Variants in RBFOX1 observed in about 807,000 individuals in gnomAD.
RBFOX1 encodes RNA binding protein fox-1 homolog 1.
A neutral mutation model predicts 57.7 loss-of-function variants in RBFOX1; 8 were observed. The ratio of observed to expected loss-of-function variants is 0.14; its 90% CI spans 0.08 to 0.25. The LOEUF is 0.25. Ranked by LOEUF, RBFOX1 falls within the 10% of genes least tolerant of loss-of-function variation. RBFOX1 has a pLI of 1.00. For synonymous variants in RBFOX1, 326 were observed against 222.4 expected (o/e 1.47, Z -4.15); for missense variants, 611 against 548.5 (o/e 1.11, Z -1.14).
rs1295301294 is a variant in RBFOX1, at chr16:5,356,987, A to G, written c.220-110229A>G. Among the ~76,000 whole-genome samples, 3 of 152,222 alleles carry G rather than the reference A, an allele frequency of 2.0e-5. No homozygotes were observed. The East Asian group carries it at 5.8e-4, about 29-fold the overall frequency. On this transcript the variant is annotated intron_variant, in intron 1 of 2. Transcript: ENST00000585867. The stretch of plus-strand genomic sequence containing the variant: ...GGTACCCAGTGAAGTAGGTACTATT[A>G]CTTATTTCCATCCAGTAGATAAGGA...
intron 4 of RBFOX1, among the ~76,000 whole-genome samples, chr16:7,202,454 G>A (rs911095040): frequency 6.6e-6 from 1 of 152,164 alleles, no homozygotes. Context: ...ACTGCCAGAT[G>A]ATCCAACAAT....
At chr16:7,706,637 A>G (rs1316268278) in intron 14 of RBFOX1, among the ~76,000 whole-genome samples, 2 of 152,234 alleles carry the variant, frequency 1.3e-5, no homozygotes, top group Non-Finnish European at 1.5e-5. Context: ...ACACCTTGCC[A>G]TAACATCACT....
intron 4 of RBFOX1, among the ~76,000 whole-genome samples, chr16:5,906,997 A>G (rs930464841): frequency 3.9e-5 from 6 of 151,974 alleles, no homozygotes; most frequent in African/African-American, 1.2e-4. Flanking sequence ...TCGGCCTCCC[A>G]AAGTGCTGGG....
intron 2 of RBFOX1, among the ~76,000 whole-genome samples, chr16:5,480,252 C>G (rs1258314720): frequency 6.6e-6 from 1 of 152,250 alleles, no homozygotes; most frequent in African/African-American, 2.4e-5. Context: ...GACCAGGGGT[C>G]AAAGCCATTG....
In RBFOX1 at chr16:6,579,318, C is replaced by T. The variant is rs114217513; in HGVS notation, c.-63-75285C>T. On this transcript the variant is annotated intron_variant, in intron 2 of 15. Coordinates refer to ENST00000550418, the MANE Select transcript of RBFOX1 (RefSeq NM_018723.4). ...TACTGGGCTCAAGCAGTCCTCCCAC[C>T]TCGGTCTCTTGAGTAGCTGGGACTA... 9.3e-3 allele frequency among the ~76,000 whole-genome samples: 1,413 copies of T among 152,080 alleles called. 24 individuals are homozygous for T. Among genetic ancestry groups the T allele is most frequent in the African/African-American group, 0.032 (1,326 of 41,468 alleles).
intron 2 of RBFOX1, among the ~76,000 whole-genome samples, chr16:6,346,164 C>T (rs2085336500): frequency 6.6e-6 from 1 of 151,966 alleles, no homozygotes. Context: ...TTTGGGGGGC[C>T]CAAGGTATTT....
intron 4 of RBFOX1, among the ~76,000 whole-genome samples, chr16:7,315,632 A>G (rs2096420257): frequency 8.3e-6 from 1 of 120,316 alleles, no homozygotes; most frequent in African/African-American, 3.1e-5. Flanking sequence ...AGCCTTCCTG[A>G]AAAGTGGAGA....
chr16:6,492,610 A>G (rs1330656365), intron 2 of RBFOX1, among the ~76,000 whole-genome samples: 1 of 152,054 alleles, frequency 6.6e-6, no homozygotes, highest in Non-Finnish European at 1.5e-5. Context: ...ATAAGTATGT[A>G]CTTTTGACCC....
chr16:7,219,933 T>A (rs1463709424), intron 4 of RBFOX1, among the ~76,000 whole-genome samples: 9 of 152,222 alleles, frequency 5.9e-5, no homozygotes, highest in Non-Finnish European at 1.5e-5. Context: ...TAGGGTTTAG[T>A]AGCTATTTAG....
At chr16:6,938,635 A>G (rs998510575) in intron 3 of RBFOX1, among the ~76,000 whole-genome samples, 2 of 152,102 alleles carry the variant, frequency 1.3e-5, no homozygotes, top group African/African-American at 4.8e-5. Context: ...TAGGAGGACA[A>G]TCTAGGTTAA....
At chr16:6,882,285 G>A (rs951866250) in intron 3 of RBFOX1, among the ~76,000 whole-genome samples, 4 of 152,120 alleles carry the variant, frequency 2.6e-5, no homozygotes, top group African/African-American at 4.8e-5. Flanking sequence ...ATGATGGGGA[G>A]GAACAACCTG....
chr16:6,700,582 C>T (rs1454141457), intron 3 of RBFOX1, among the ~76,000 whole-genome samples: 3 of 151,976 alleles, frequency 2.0e-5, no homozygotes, highest in South Asian at 2.1e-4. Flanking sequence ...TGCTTGAACC[C>T]GGGAGGCAGA....
chr16:6,215,474 G>T lies in RBFOX1; in HGVS notation c.-126-101521G>T, dbSNP rs60793694. Among the ~76,000 whole-genome samples the T allele has an allele frequency of 5.3e-5, 8 of 151,288 alleles. No homozygotes were observed. In the East Asian group the frequency reaches 1.2e-3, roughly 22 times the overall value. On this transcript the variant is annotated intron_variant, in intron 1 of 15. Transcript: ENST00000550418. ...AAAGGAAGAGAGGGAGAGGGGGAGA[G>T]GGAGAGAAGGAGACAGAGTGTGCAT...
At chr16:7,313,292 C>G (rs997450900) in intron 4 of RBFOX1, among the ~76,000 whole-genome samples, 1 of 152,096 alleles carries the variant, frequency 6.6e-6, no homozygotes, top group Non-Finnish European at 1.5e-5. Flanking sequence ...CCTTTTCCCC[C>G]TAAGGGTTTG....
intron 3 of RBFOX1, among the ~76,000 whole-genome samples, chr16:6,773,304 T>G (rs2078727475): frequency 1.7e-5 from 2 of 116,912 alleles, no homozygotes; most frequent in South Asian, 2.8e-4. Context: ...TGGGGTGCAT[T>G]TGTGTGTTTG....
At chr16:7,257,502 C>T (rs939569749) in intron 4 of RBFOX1, among the ~76,000 whole-genome samples, 1 of 152,156 alleles carries the variant, frequency 6.6e-6, no homozygotes, top group Non-Finnish European at 1.5e-5. Flanking sequence ...CGGGTTTCAC[C>T]TGCTTAATGA....
chr16:6,755,959 A>G (rs1409436565), intron 3 of RBFOX1, among the ~76,000 whole-genome samples: 1 of 152,194 alleles, frequency 6.6e-6, no homozygotes, highest in Non-Finnish European at 1.5e-5. Context: ...GACCATTTAC[A>G]GCCAGTTTCA....
chr16:6,807,642 C>T (rs1603627326), intron 3 of RBFOX1, among the ~76,000 whole-genome samples: 1 of 151,952 alleles, frequency 6.6e-6, no homozygotes, highest in Non-Finnish European at 1.5e-5. Flanking sequence ...ATGGTGAAAG[C>T]CCATCTCCAC....
At chr16:6,931,340 T>TCTACAC (rs139959481) in intron 3 of RBFOX1, among the ~76,000 whole-genome samples, 1 of 106,938 alleles carries the variant, frequency 9.4e-6, no homozygotes, top group Non-Finnish European at 2.1e-5. Context: ...TATCTATCTC[T>TCTACAC]ACACACACAC....
Sources: gnomAD v4.1 joint callset for allele counts (sites outside exome capture counted in the v4.1 genomes callset) on GRCh38, gnomAD v4.1.1 for gene constraint, MANE v1.5 for transcripts, NCBI Gene and HGNC (gene_info 2026-07-23, HGNC 2026-07-21) for gene names.